The following SH3GL2 variants were observed in gnomAD, a reference collection of about 807,000 sequenced individuals.
The protein encoded by SH3GL2 is endophilin-A1.
A neutral mutation model predicts 46.0 loss-of-function variants in SH3GL2; 24 were observed. The ratio of observed to expected loss-of-function variants is 0.52; its 90% CI spans 0.38 to 0.73. SH3GL2 has a LOEUF of 0.73. Ranked by LOEUF, SH3GL2 falls within the 30% of genes least tolerant of loss-of-function variation. SH3GL2 has a pLI of 0.00. For missense variants in SH3GL2, 413 were observed against 424.2 expected (o/e 0.97, Z 0.23); for synonymous variants, 196 against 147.1 (o/e 1.33, Z -2.40).
chr9:17,712,163 T>G (rs1310152752), intron 1 of SH3GL2, among the ~76,000 whole-genome samples: 1 of 151,830 alleles, frequency 6.6e-6, no homozygotes, highest in Non-Finnish European at 1.5e-5. Context: ...TTGGGTGATT[T>G]TCTTATTGTT....
At chr9:17,655,519 T>C (rs1820053233) in intron 1 of SH3GL2, among the ~76,000 whole-genome samples, 1 of 152,192 alleles carries the variant, frequency 6.6e-6, no homozygotes, top group Non-Finnish European at 1.5e-5. Flanking sequence ...ATAAGTTGAG[T>C]CTGAATAGTC....
chr9:17,698,450 C>T (rs1425644709), intron 1 of SH3GL2, among the ~76,000 whole-genome samples: 1 of 152,092 alleles, frequency 6.6e-6, no homozygotes, highest in Non-Finnish European at 1.5e-5. Flanking sequence ...GAGTGGGAGA[C>T]AGCCAGAAGA....
intron 1 of SH3GL2, among the ~76,000 whole-genome samples, chr9:17,606,240 C>T (rs1051180903): frequency 1.3e-5 from 2 of 151,964 alleles, no homozygotes; most frequent in African/African-American, 4.8e-5. Context: ...TTACAGGCAC[C>T]CACCACCACA....
At chr9:17,600,174 A>T (rs1217362448) in intron 1 of SH3GL2, among the ~76,000 whole-genome samples, 1 of 152,236 alleles carries the variant, frequency 6.6e-6, no homozygotes, top group African/African-American at 2.4e-5. Context: ...TTAAAATTAC[A>T]TGAACGCTGG....
At chr9:17,701,622 A>G (rs549295413) in intron 1 of SH3GL2, among the ~76,000 whole-genome samples, 42 of 152,334 alleles carry the variant, frequency 2.8e-4, no homozygotes, top group African/African-American at 9.9e-4. Flanking sequence ...TTTAACATAC[A>G]GAAATATTAG....
chr9:17,787,611 G>A, intron 5 of SH3GL2, 98 bp downstream of exon 5: 1 of 952,600 alleles, frequency 1.0e-6, no homozygotes, highest in Non-Finnish European at 1.6e-6. Flanking sequence ...TACCCTGTGT[G>A]TTGTCAGCTC....
At position 17,716,476 on chromosome 9, in the gene SH3GL2, A is replaced by G. The variant is rs115718253; in HGVS notation, c.46-30590A>G. Among the ~76,000 whole-genome samples, 150 of 152,172 alleles carry G rather than the reference A, an allele frequency of 9.9e-4. 2 individuals carry two copies. Among genetic ancestry groups the G allele is most frequent in the African/African-American group, 3.5e-3 (145 of 41,544 alleles). ...CTGAGATGAGACCTCTGAATTCTCT[A>G]CTCAATTCCAGGTCAATTATAAGGT... On this transcript the variant is annotated intron_variant, in intron 1 of 8. Coordinates refer to ENST00000380607, the MANE Select transcript of SH3GL2 (RefSeq NM_003026.5).
chr9:17,788,851 A>C (rs1257514218), intron 5 of SH3GL2, among the ~76,000 whole-genome samples: 2 of 152,158 alleles, frequency 1.3e-5, no homozygotes, highest in Non-Finnish European at 2.9e-5. Context: ...CTAGGCCCCC[A>C]CCCTAGATAT....
intron 1 of SH3GL2, among the ~76,000 whole-genome samples, chr9:17,596,809 C>T (rs3808774): frequency 2.0e-5 from 3 of 152,318 alleles, no homozygotes; most frequent in East Asian, 1.9e-4. Context: ...TGAAACGTAG[C>T]CTCAGTAATG....
At chr9:17,756,624 C>T (rs1340106795) in intron 2 of SH3GL2, among the ~76,000 whole-genome samples, 1 of 151,908 alleles carries the variant, frequency 6.6e-6, no homozygotes, top group African/African-American at 2.4e-5. Context: ...TGGTTTCCAG[C>T]TTCATCCACG....
At chr9:17,732,456 A>G (rs879486839) in intron 1 of SH3GL2, among the ~76,000 whole-genome samples, 19 of 152,156 alleles carry the variant, frequency 1.2e-4, no homozygotes, top group Admixed American at 2.0e-4. Context: ...TCTGGAGCAT[A>G]TATCAGGCCT....
intron 1 of SH3GL2, among the ~76,000 whole-genome samples, chr9:17,697,705 C>G (rs555502175): frequency 6.6e-6 from 1 of 152,150 alleles, no homozygotes; most frequent in South Asian, 2.1e-4. Flanking sequence ...CATTGCCCCC[C>G]GAATAGCCTT....
At chr9:17,773,372 G>A (rs754330911) in intron 3 of SH3GL2, among the ~76,000 whole-genome samples, 25 of 152,132 alleles carry the variant, frequency 1.6e-4, no homozygotes, top group Middle Eastern at 3.4e-3. Context: ...ATCATATCCA[G>A]GAATTCATTG....
intron 1 of SH3GL2, among the ~76,000 whole-genome samples, chr9:17,662,993 G>T (rs534009534): frequency 1.3e-5 from 2 of 152,158 alleles, no homozygotes; most frequent in African/African-American, 4.8e-5. Context: ...GTGAGCCACC[G>T]TGCCCAGCTG....
chr9:17,622,517 G>A (rs1160595300), intron 1 of SH3GL2, among the ~76,000 whole-genome samples: 1 of 152,034 alleles, frequency 6.6e-6, no homozygotes, highest in African/African-American at 2.4e-5. Context: ...TTCCAGATTC[G>A]GCGCCACCTG....
At position 17,712,041 on chromosome 9, in the gene SH3GL2, A is replaced by C. The variant is rs567261570; in HGVS notation, c.46-35025A>C. ...GCAGTGGTATGTAGTTGTAGTTTTT[A>C]ATTGGCATTTCCTTAATGACCAATG... is the stretch of plus-strand genomic sequence containing the variant. On this transcript the variant is annotated intron_variant, in intron 1 of 8. Coordinates refer to ENST00000380607, the MANE Select transcript of SH3GL2 (RefSeq NM_003026.5). Among the ~76,000 whole-genome samples, 5 of 151,864 alleles carry C rather than the reference A, an allele frequency of 3.3e-5. No homozygotes were observed. In the South Asian group the frequency reaches 1.0e-3, roughly 31 times the overall value.
intron 1 of SH3GL2, among the ~76,000 whole-genome samples, chr9:17,595,554 C>T (rs1818555086): frequency 6.6e-6 from 1 of 152,110 alleles, no homozygotes; most frequent in Non-Finnish European, 1.5e-5. Context: ...GGAAACTATT[C>T]ACAGAATATA....
At chr9:17,601,860 G>C (rs556445180) in intron 1 of SH3GL2, among the ~76,000 whole-genome samples, 226 of 152,250 alleles carry the variant, frequency 1.5e-3, no homozygotes, top group African/African-American at 5.2e-3. Flanking sequence ...GTCTGTGGTG[G>C]GTTTGATGCT....
intron 1 of SH3GL2, among the ~76,000 whole-genome samples, chr9:17,714,929 C>T (rs561932685): frequency 6.6e-6 from 1 of 151,574 alleles, no homozygotes; most frequent in Admixed American, 6.6e-5. Context: ...ATGAATTATT[C>T]CAGCTTTTAT....
Sources: allele counts gnomAD v4.1 joint callset (sites outside exome capture counted in the v4.1 genomes callset), GRCh38; gene constraint gnomAD v4.1.1; transcripts MANE v1.5; gene names NCBI Gene and HGNC (gene_info 2026-07-23, HGNC 2026-07-21).